Variants in TRPC1 observed in about 807,000 individuals in gnomAD.
The protein encoded by TRPC1 is transient receptor potential cation channel subfamily C member 1.
In TRPC1, 42 loss-of-function variants were observed where a neutral mutation model predicts 88.2. That is an observed-to-expected ratio of 0.48 (90% confidence interval 0.37 to 0.62). The LOEUF (loss-of-function observed/expected upper bound fraction) is 0.62. Ranked by LOEUF, TRPC1 falls within the 20% of genes least tolerant of loss-of-function variation. TRPC1 has a pLI of 0.00. For missense variants in TRPC1, 699 were observed against 957.3 expected (o/e 0.73, Z 3.56); for synonymous variants, 288 against 331.8 (o/e 0.87, Z 1.43).
At chr3:142,746,472 T>C (rs1291653905) in intron 3 of TRPC1, among the ~76,000 whole-genome samples, 2 of 152,144 alleles carry the variant, frequency 1.3e-5, no homozygotes, top group Non-Finnish European at 2.9e-5. Context: ...GTTTTAGGTT[T>C]CTCTGTAATT....
chr3:142,804,101 A>T lies in TRPC1; in HGVS notation c.1882A>T (p.Thr628Ser). ...QSFVGAVIVG[T>S]YNVVVVIVLT... ...CTTTGTGGGAGCTGTCATTGTTGGTACATACAATGTCGTGGTTGTGATTGT... is the reference window on the plus strand; with the variant it reads ...CTTTGTGGGAGCTGTCATTGTTGGTTCATACAATGTCGTGGTTGTGATTGT... Residue 628 changes from threonine to serine, a missense_variant, in exon 11 of 13, where the codon ACA (threonine) becomes TCA (serine). Physicochemically the swap from Thr to Ser is moderately conservative, Grantham distance 58. This residue lies in a region of TRPC1 where 426 missense variants were observed against 641.3 expected (regional missense o/e 0.66). Transcript: ENST00000476941. 1 of 1,613,884 alleles carries T rather than the reference A, an allele frequency of 6.2e-7. No individual in the cohort carries two copies.
rs1202182398 is a variant in TRPC1, at chr3:142,807,102, G to C, written c.*867G>C. On this transcript the variant is annotated 3_prime_UTR_variant, in exon 13 of 13. Transcript: ENST00000476941. ...ATAGTCCTATTTTTTTTTCAAGTTG[G>C]AGTGAATGTTTTTAGTTTTAAGATA... 3 of 151,264 alleles carry C rather than the reference G, an allele frequency of 2.0e-5. No individual in the cohort carries two copies. The highest frequency in any genetic ancestry group is 2.0e-4 in the Admixed American group (3 of 15,182). The allele number at this position is 151,264 out of a possible 1,614,324, so 9.4% of individuals were successfully genotyped here.
intron 3 of TRPC1, among the ~76,000 whole-genome samples, chr3:142,744,835 T>C (rs1409948005): frequency 1.3e-5 from 2 of 152,194 alleles, no homozygotes; most frequent in East Asian, 1.9e-4. Context: ...TTAATCAAAT[T>C]TTAAACATGA....
At position 142,784,893 on chromosome 3, in the gene TRPC1, T is replaced by C. The variant is rs751261909; in HGVS notation, c.1150T>C (p.Phe384Leu). The change falls in exon 7 of 13, where the codon TTT becomes CTT. Residue 384 changes from phenylalanine to leucine, a missense_variant. By Grantham distance (22) the Phe-to-Leu change is conservative. Transcript: ENST00000476941. ...GTTTGGCAGAATCATTCACACACCT[T>C]TTATGAAATTTATCATTCATGGAGC... ...SQFGRIIHTP[F>L]MKFIIHGASY... The C allele has an allele frequency of 6.2e-7, 1 of 1,614,006 alleles. No individual in the cohort carries two copies. Among genetic ancestry groups the C allele is most frequent in the Non-Finnish European group, 8.5e-7 (1 of 1,180,010 alleles).
intron 2 of TRPC1, among the ~76,000 whole-genome samples, chr3:142,737,937 A>C (rs1560093388): frequency 6.6e-6 from 1 of 152,238 alleles, no homozygotes; most frequent in Non-Finnish European, 1.5e-5. Context: ...ACTTAAAGGC[A>C]TAAGCTTCAG....
chr3:142,749,102 C>G (rs1365685913), intron 4 of TRPC1, among the ~76,000 whole-genome samples: 1 of 152,060 alleles, frequency 6.6e-6, no homozygotes. Context: ...CATTTTGGTT[C>G]AAAAACAGTT....
chr3:142,759,984 C>T (rs146763438), intron 4 of TRPC1, among the ~76,000 whole-genome samples: 10 of 152,180 alleles, frequency 6.6e-5, no homozygotes, highest in East Asian at 1.9e-4. Flanking sequence ...CCTCCACGCC[C>T]GGCTAATTTT....
chr3:142,760,402 A>C (rs1235941515), intron 4 of TRPC1, among the ~76,000 whole-genome samples: 2 of 152,074 alleles, frequency 1.3e-5, no homozygotes, highest in African/African-American at 4.8e-5. Flanking sequence ...AAATGCATGG[A>C]CTTATATGTG....
At chr3:142,743,183 T>A (rs529252992) in intron 2 of TRPC1, among the ~76,000 whole-genome samples, 2 of 152,110 alleles carry the variant, frequency 1.3e-5, no homozygotes, top group Admixed American at 6.5e-5. Flanking sequence ...TGAAAAAAAA[T>A]TTTCAACTTT....
intron 5 of TRPC1, among the ~76,000 whole-genome samples, chr3:142,779,864 T>A (rs1426168840): frequency 1.4e-5 from 2 of 138,088 alleles, no homozygotes; most frequent in Non-Finnish European, 3.0e-5. Flanking sequence ...GTAATTGATT[T>A]TTTTTTTTTT....
chr3:142,805,323 C>A (rs544348029), intron 12 of TRPC1, among the ~76,000 whole-genome samples: 7 of 152,036 alleles, frequency 4.6e-5, no homozygotes, highest in Admixed American at 2.0e-4. Flanking sequence ...CTACTAGAAT[C>A]AGCTCATATT....
chr3:142,744,069 T>A (rs1010491020), intron 3 of TRPC1, among the ~76,000 whole-genome samples: 2 of 152,032 alleles, frequency 1.3e-5, no homozygotes, highest in African/African-American at 2.4e-5. Context: ...AGCAGATGAA[T>A]AACTGGCAAA....
At chr3:142,793,914 T>C in intron 9 of TRPC1, 1 of 985,184 alleles carries the variant, frequency 1.0e-6, no homozygotes, top group Non-Finnish European at 1.2e-6. Context: ...CAGTGTTTCC[T>C]GAAGTGTGGC....
At chr3:142,746,483 TTAAA>T (rs1934560637) in intron 3 of TRPC1, among the ~76,000 whole-genome samples, 1 of 152,140 alleles carries the variant, frequency 6.6e-6, no homozygotes, top group Non-Finnish European at 1.5e-5. Flanking sequence ...CTCTGTAATT[TTAAA>T]TAAAGTCATT....
At chr3:142,780,071 A>G (rs1260564183) in intron 5 of TRPC1, among the ~76,000 whole-genome samples, 1 of 151,632 alleles carries the variant, frequency 6.6e-6, no homozygotes, top group Non-Finnish European at 1.5e-5. Context: ...CTGGTCTTGA[A>G]CTCCTGACCT....
chr3:142,759,716 T>C (rs1030945090), intron 4 of TRPC1, among the ~76,000 whole-genome samples: 2 of 152,240 alleles, frequency 1.3e-5, no homozygotes, highest in African/African-American at 4.8e-5. Context: ...ATTTTGGCTT[T>C]TGTTGCCGTT....
intron 12 of TRPC1, 124 bp from the exon 13 acceptor site, chr3:142,805,884 G>A: frequency 1.3e-6 from 1 of 757,196 alleles, no homozygotes; most frequent in Non-Finnish European, 2.1e-6. Flanking sequence ...ATACCATGTA[G>A]TAGAAAAACT....
intron 9 of TRPC1, among the ~76,000 whole-genome samples, chr3:142,800,636 G>C (rs1020361250): frequency 2.6e-5 from 4 of 152,032 alleles, no homozygotes; most frequent in Admixed American, 6.6e-5. Context: ...AAATAATGAG[G>C]CCAGGCACGG....
chr3:142,773,512 G>A (rs1366666295), intron 4 of TRPC1, among the ~76,000 whole-genome samples: 1 of 150,800 alleles, frequency 6.6e-6, no homozygotes, highest in African/African-American at 2.4e-5. Context: ...TAATGAAAAG[G>A]AATACAGGCC....
Sources: allele counts gnomAD v4.1 joint callset (sites outside exome capture counted in the v4.1 genomes callset), GRCh38; gene constraint gnomAD v4.1.1; regional missense constraint gnomAD v4.1.1; transcripts MANE v1.5; gene names NCBI Gene and HGNC (gene_info 2026-07-23, HGNC 2026-07-21).